CDK14: variants seen among roughly 807,000 people sequenced by gnomAD.
The protein encoded by CDK14 is cyclin-dependent kinase 14.
In CDK14, 34 loss-of-function variants were observed where a neutral mutation model predicts 60.7. The observed-to-expected ratio is 0.56, with a 90% CI of 0.43 to 0.75. CDK14 has a LOEUF of 0.75. CDK14 is among the 30% of genes least tolerant of loss of function. CDK14 has a pLI of 0.00. For synonymous variants in CDK14, 197 were observed against 203.7 expected, an observed-to-expected ratio of 0.97 and a Z score of 0.28; for missense variants, 482 against 564.1, an observed-to-expected ratio of 0.85 and a Z score of 1.47.
chr7:90,739,462 G>C (rs968433099), intron 3 of CDK14, among the ~76,000 whole-genome samples: 1 of 152,098 alleles, frequency 6.6e-6, no homozygotes, highest in South Asian at 2.1e-4. Flanking sequence ...TTTTCAAGTA[G>C]TAAGTTTAAT....
chr7:91,171,850 T>C (rs1432272555), intron 14 of CDK14, among the ~76,000 whole-genome samples: 1 of 152,176 alleles, frequency 6.6e-6, no homozygotes, highest in African/African-American at 2.4e-5. Context: ...TTTCACCATG[T>C]TGGTTAGGCT....
intron 2 of CDK14, among the ~76,000 whole-genome samples, chr7:90,637,114 T>A (rs1225634192): frequency 2.6e-5 from 4 of 152,146 alleles, no homozygotes; most frequent in Non-Finnish European, 1.5e-5. Context: ...TTTTAAAGGG[T>A]TTTCTTGGTC....
At chr7:90,996,264 A>G (rs1795678913) in intron 10 of CDK14, among the ~76,000 whole-genome samples, 2 of 152,042 alleles carry the variant, frequency 1.3e-5, no homozygotes, top group South Asian at 4.2e-4. Flanking sequence ...TTCCACTCTC[A>G]TTTTGCAACT....
intron 2 of CDK14, 62 bp from the exon 3 acceptor site, chr7:90,726,505 G>A (rs1034377957): frequency 6.5e-7 from 1 of 1,527,186 alleles, no homozygotes; most frequent in Non-Finnish European, 9.0e-7. Context: ...TTATATATTG[G>A]CATGTTTAGT....
At chr7:90,858,100 A>G (rs979684434) in intron 5 of CDK14, among the ~76,000 whole-genome samples, 8 of 152,346 alleles carry the variant, frequency 5.3e-5, no homozygotes, top group South Asian at 2.1e-4. Flanking sequence ...AAAATCTGTC[A>G]TAATTATTGA....
chr7:91,191,950 G>A (rs1000154673), intron 14 of CDK14, among the ~76,000 whole-genome samples: 2 of 151,996 alleles, frequency 1.3e-5, no homozygotes, highest in African/African-American at 2.4e-5. Context: ...AAAAACAGGC[G>A]TGGTTACTAT....
intron 4 of CDK14, among the ~76,000 whole-genome samples, chr7:90,772,875 G>T (rs1804847416): frequency 6.6e-6 from 1 of 152,104 alleles, no homozygotes; most frequent in East Asian, 1.9e-4. Flanking sequence ...TCTGTAGAAT[G>T]TTGTTCTTGG....
intron 12 of CDK14, among the ~76,000 whole-genome samples, chr7:91,094,560 A>G (rs1322092361): frequency 6.6e-6 from 1 of 152,152 alleles, no homozygotes; most frequent in Admixed American, 6.5e-5. Flanking sequence ...TTTTCCTGGT[A>G]GGAGCATCTA....
intron 2 of CDK14, among the ~76,000 whole-genome samples, chr7:90,690,525 C>T (rs1318963148): frequency 2.0e-5 from 3 of 152,112 alleles, no homozygotes; most frequent in Non-Finnish European, 4.4e-5. Context: ...TGTCTGTGTA[C>T]TTTTTGTTTA....
chr7:90,978,143 C>G (rs1054520205), intron 9 of CDK14, among the ~76,000 whole-genome samples: 6 of 152,212 alleles, frequency 3.9e-5, no homozygotes, highest in Non-Finnish European at 1.5e-5. Context: ...GTGCAGAGAT[C>G]TTGGGATGGG....
chr7:91,112,757 T>C, intron 13 of CDK14, 76 bp downstream of exon 13: 1 of 1,467,332 alleles, frequency 6.8e-7, no homozygotes, highest in East Asian at 2.3e-5. Flanking sequence ...GTAACGTGTA[T>C]GCAGAGATTC....
At chr7:91,182,543 A>G (rs2115887138) in intron 14 of CDK14, among the ~76,000 whole-genome samples, 1 of 152,130 alleles carries the variant, frequency 6.6e-6, no homozygotes, top group Non-Finnish European at 1.5e-5. Flanking sequence ...AATGGAAAGT[A>G]AAACATAAAA....
intron 6 of CDK14, among the ~76,000 whole-genome samples, chr7:90,883,021 C>G (rs1791813664): frequency 1.3e-5 from 2 of 151,202 alleles, no homozygotes; most frequent in Admixed American, 6.6e-5. Context: ...CCTAACATCA[C>G]AATTAAAAGA....
chr7:90,647,575 C>T (rs1800496739), intron 2 of CDK14, among the ~76,000 whole-genome samples: 1 of 150,578 alleles, frequency 6.6e-6, no homozygotes, highest in Non-Finnish European at 1.5e-5. Context: ...AGTTGTTTGG[C>T]GAGTTAAAAC....
intron 14 of CDK14, among the ~76,000 whole-genome samples, chr7:91,173,440 A>AG (rs1554444751): frequency 5.7e-4 from 85 of 149,312 alleles, no homozygotes; most frequent in African/African-American, 1.4e-3. Context: ...AAAAAAAAAA[A>AG]GGTGGGGAGG....
intron 2 of CDK14, among the ~76,000 whole-genome samples, chr7:90,712,481 T>A (rs1431192546): frequency 6.6e-6 from 1 of 152,112 alleles, no homozygotes; most frequent in Non-Finnish European, 1.5e-5. Flanking sequence ...ATTTCATTCC[T>A]TCTTAATGCA....
intron 8 of CDK14, among the ~76,000 whole-genome samples, chr7:90,939,098 T>C (rs1793836967): frequency 6.6e-6 from 1 of 152,344 alleles, no homozygotes; most frequent in Middle Eastern, 3.4e-3. Context: ...CAAGAGTGGA[T>C]AGCGAAATAG....
chr7:90,768,671 A>C (rs1425768872), intron 4 of CDK14, among the ~76,000 whole-genome samples: 4 of 152,224 alleles, frequency 2.6e-5, no homozygotes, highest in Non-Finnish European at 5.9e-5. Context: ...TGATTTTTAT[A>C]GTATACCGAT....
intron 5 of CDK14, among the ~76,000 whole-genome samples, chr7:90,799,486 G>A (rs1036025389): frequency 5.3e-5 from 8 of 152,048 alleles, no homozygotes; most frequent in African/African-American, 1.9e-4. Context: ...TCAGGAGTTT[G>A]AGACCAGCCT....
Sources: gnomAD v4.1 joint callset for allele counts (sites outside exome capture counted in the v4.1 genomes callset) on GRCh38, gnomAD v4.1.1 for gene constraint, MANE v1.5 for transcripts, NCBI Gene and HGNC (gene_info 2026-07-23, HGNC 2026-07-21) for gene names.